SPI1: variants seen among roughly 807,000 people sequenced by gnomAD.
SPI1 encodes Spi-1 proto-oncogene.
SPI1 carries 3 observed loss-of-function variants against 30.7 expected under a neutral mutation model. That is an observed-to-expected ratio of 0.10 (90% CI 0.04 to 0.25). The LOEUF (loss-of-function observed/expected upper bound fraction) is 0.25. Among genes scored for constraint, SPI1 ranks in the 10% least tolerant of loss-of-function variants. The pLI, the probability that SPI1 is intolerant of heterozygous loss-of-function variation, is 1.00. For missense variants in SPI1, 261 were observed against 371.5 expected (o/e 0.70, Z 2.45); for synonymous variants, 169 against 157.1 (o/e 1.08, Z -0.56).
chr11:47,370,665 G>A (rs1413285121), intron 2 of SPI1, among the ~76,000 whole-genome samples: 1 of 152,190 alleles, frequency 6.6e-6, no homozygotes, highest in Non-Finnish European at 1.5e-5. Context: ...TTGCGCCACT[G>A]TGCTCCAGCC....
At chr11:47,366,399 C>T (rs1253089214) in intron 2 of SPI1, among the ~76,000 whole-genome samples, 2 of 152,130 alleles carry the variant, frequency 1.3e-5, no homozygotes, top group Non-Finnish European at 2.9e-5. Flanking sequence ...GAACCTCCAG[C>T]CTGAAGCCCT....
At position 47,358,679 on chromosome 11, in the gene SPI1, G is replaced by C. The variant is rs371804960; in HGVS notation, c.493+165C>G. On this transcript the variant is annotated intron_variant, in intron 4 of 4. Coordinates refer to ENST00000378538, the MANE Select transcript of SPI1 (RefSeq NM_003120.3). The stretch of plus-strand genomic sequence containing the variant: ...ACTACACAGCAGATACACACACACA[G>C]AGACAGCCACAGACAGCCCCACAAA... The C allele has an allele frequency of 8.0e-6, 6 of 754,356 alleles. 1 individual carries two copies. Among genetic ancestry groups the C allele is most frequent in the South Asian group, 2.9e-5 (2 of 68,580 alleles). The allele number at this position is 754,356 out of a possible 1,614,324, so 46.7% of individuals were successfully genotyped here.
intron 2 of SPI1, among the ~76,000 whole-genome samples, chr11:47,371,909 G>T (rs1001869015): frequency 6.6e-6 from 1 of 152,008 alleles, no homozygotes; most frequent in African/African-American, 2.4e-5. Context: ...CTCTGTCAGG[G>T]TCCTTTCTGC....
intron 2 of SPI1, among the ~76,000 whole-genome samples, chr11:47,373,229 G>T (rs2095938153): frequency 6.6e-6 from 1 of 152,102 alleles, no homozygotes; most frequent in African/African-American, 2.4e-5. Context: ...GCAGGCGCCT[G>T]TAATCCTAGC....
rs199555322 is a variant in SPI1 at position 47,356,923 on chromosome 11, CCT to C, written c.494-1379_494-1378del. On this transcript the variant is annotated intron_variant, in intron 4 of 4. Transcript: ENST00000378538. The stretch of plus-strand genomic sequence containing the variant: ...CTGCTCACACACTTGTGCTCACACA[CCT>C]CACACCATTCACTCACGCACACACC... Among the ~76,000 whole-genome samples the C allele has an allele frequency of 7.2e-3, 988 of 137,902 alleles. 16 individuals are homozygous for C. The highest frequency in any genetic ancestry group is 0.022 in the African/African-American group (898 of 40,380). The allele number at this position is 137,902 out of a possible 152,430, so 90.5% of individuals were successfully genotyped here.
intron 2 of SPI1, among the ~76,000 whole-genome samples, chr11:47,363,210 C>A (rs1391773371): frequency 6.6e-6 from 1 of 152,160 alleles, no homozygotes; most frequent in Non-Finnish European, 1.5e-5. Flanking sequence ...CAATGATTGC[C>A]TCTTTTTAAA....
chr11:47,356,636 AAC>A (rs1254241218), intron 4 of SPI1, among the ~76,000 whole-genome samples: 2 of 151,228 alleles, frequency 1.3e-5, no homozygotes, highest in Non-Finnish European at 2.9e-5. Flanking sequence ...TGCTTGCACA[AAC>A]ACACCTGCTT....
chr11:47,354,912 G>T lies in SPI1; in HGVS notation c.*315C>A. 1 of 269,442 alleles carries T rather than the reference G, an allele frequency of 3.7e-6. No homozygotes were observed. Among genetic ancestry groups the T allele is most frequent in the Non-Finnish European group, 7.0e-6 (1 of 142,716 alleles). 16.7% of individuals were successfully genotyped at this position (269,442 alleles called of 1,614,324 possible). The stretch of plus-strand genomic sequence containing the variant: ...TTGGGAGGAGGTTAATGGGTGGGAG[G>T]GGTGAGAGGGGAGATCTGATTTACA... On this transcript the variant is annotated 3_prime_UTR_variant, in exon 5 of 5. Coordinates refer to ENST00000378538, the MANE Select transcript of SPI1 (RefSeq NM_003120.3).
At chr11:47,355,592 G>T (rs373089127) in intron 4 of SPI1, 46 bp from the exon 5 acceptor site, 475 of 1,490,044 alleles carry the variant, frequency 3.2e-4, no homozygotes, top group Non-Finnish European at 3.9e-4. Flanking sequence ...GGCCCACATG[G>T]GAGCCGCCCC....
chr11:47,365,527 T>C (rs2095926901), intron 2 of SPI1, among the ~76,000 whole-genome samples: 1 of 152,208 alleles, frequency 6.6e-6, no homozygotes, highest in Non-Finnish European at 1.5e-5. Flanking sequence ...AGGAGGAATC[T>C]ATGGCTCAGA....
At chr11:47,358,205 A>G (rs1336910789) in intron 4 of SPI1, 3 of 291,380 alleles carry the variant, frequency 1.0e-5, no homozygotes, top group Non-Finnish European at 2.0e-5. Context: ...ATTCACACAC[A>G]CTTATATCAC....
chr11:47,364,507 C>T (rs1300047465), intron 2 of SPI1, among the ~76,000 whole-genome samples: 1 of 152,030 alleles, frequency 6.6e-6, no homozygotes, highest in Non-Finnish European at 1.5e-5. Context: ...TCTGGCTCTG[C>T]CCATTTTTGC....
intron 4 of SPI1, chr11:47,358,280 C>T: frequency 1.3e-5 from 6 of 472,348 alleles, no homozygotes; most frequent in East Asian, 3.5e-5. Flanking sequence ...TGTCACACCC[C>T]CACTCACACA....
chr11:47,362,032 G>T (rs1388413497), intron 2 of SPI1, among the ~76,000 whole-genome samples: 2 of 152,146 alleles, frequency 1.3e-5, no homozygotes, highest in Non-Finnish European at 2.9e-5. Context: ...GCAGAGCTGG[G>T]CTCAAGTTCT....
chr11:47,370,313 G>A (rs1329152646), intron 2 of SPI1, among the ~76,000 whole-genome samples: 1 of 151,602 alleles, frequency 6.6e-6, no homozygotes, highest in African/African-American at 2.4e-5. Flanking sequence ...TGAAGCAGGA[G>A]AATTGCTGGA....
At chr11:47,356,836 A>G (rs1305755252) in intron 4 of SPI1, among the ~76,000 whole-genome samples, 1 of 148,078 alleles carries the variant, frequency 6.8e-6, no homozygotes, top group Non-Finnish European at 1.5e-5. Context: ...CACGTTACTC[A>G]GCCCCACACG....
At chr11:47,362,683 C>T (rs2095922566) in intron 2 of SPI1, among the ~76,000 whole-genome samples, 2 of 147,000 alleles carry the variant, frequency 1.4e-5, no homozygotes, top group African/African-American at 5.0e-5. Context: ...TCAAGTGATT[C>T]TCCTGCCTCA....
chr11:47,371,908 G>C (rs2095936437), intron 2 of SPI1, among the ~76,000 whole-genome samples: 2 of 151,932 alleles, frequency 1.3e-5, no homozygotes, highest in South Asian at 2.1e-4. Flanking sequence ...CCTCTGTCAG[G>C]GTCCTTTCTG....
chr11:47,378,160 G>A (rs1391246080), intron 1 of SPI1, 149 bp downstream of exon 1: 2 of 840,626 alleles, frequency 2.4e-6, no homozygotes, highest in Non-Finnish European at 3.8e-6. Context: ...CCCCTCGCTG[G>A]GTCTCAGGCC....
Sources: gnomAD v4.1 joint callset for allele counts (sites outside exome capture counted in the v4.1 genomes callset) on GRCh38, gnomAD v4.1.1 for gene constraint, MANE v1.5 for transcripts, NCBI Gene and HGNC (gene_info 2026-07-23, HGNC 2026-07-21) for gene names.